The following MAP3K14 variants were observed in gnomAD, a reference collection of about 807,000 sequenced individuals.
The protein encoded by MAP3K14 is NF-kappa-beta-inducing kinase.
MAP3K14 carries 16 observed loss-of-function variants against 99.2 expected under a neutral mutation model. The observed-to-expected ratio is 0.16, with a 90% CI of 0.11 to 0.24. MAP3K14 has a LOEUF of 0.24. MAP3K14 is among the 10% of genes least tolerant of loss of function. The pLI, the probability that MAP3K14 is intolerant of heterozygous loss-of-function variation, is 1.00. For synonymous variants in MAP3K14, 462 were observed against 492.4 expected, an observed-to-expected ratio of 0.94 and a Z score of 0.82; for missense variants, 784 against 1,208.7, an observed-to-expected ratio of 0.65 and a Z score of 5.21.
chr17:45,315,544 T>C (rs1053263375), intron 1 of MAP3K14, among the ~76,000 whole-genome samples: 1 of 152,228 alleles, frequency 6.6e-6, no homozygotes, highest in Non-Finnish European at 1.5e-5. Context: ...AACTGATTGA[T>C]ATCACTTAAA....
chr17:45,274,287 C>A, intron 7 of MAP3K14, 33 bp from the exon 8 acceptor site: 1 of 1,590,052 alleles, frequency 6.3e-7, no homozygotes, highest in Non-Finnish European at 8.6e-7. Context: ...ATACATGGGA[C>A]TTGCCCGAGC....
intron 1 of MAP3K14, among the ~76,000 whole-genome samples, chr17:45,300,955 C>G (rs1050220789): frequency 2.0e-5 from 3 of 151,704 alleles, no homozygotes; most frequent in Admixed American, 6.6e-5. Context: ...TTGCTTGAGT[C>G]CAGGAGTTTG....
rs2044148031 is a variant in MAP3K14, at chr17:45,272,386, C to T, written c.1657+1117G>A. On this transcript the variant is annotated intron_variant, in intron 9 of 15. Transcript: ENST00000344686. This position sits in a 1 kb window ranked among gnomAD's most constrained non-coding sequence, Gnocchi z 4.1. ...CATTTTTTTTTGTAACAAGAAAAAG[C>T]CCACTACAGTTATTTTAAAAGGGCT... Among the ~76,000 whole-genome samples the T allele has an allele frequency of 6.6e-6, 1 of 151,930 alleles. No homozygotes were observed. Among genetic ancestry groups the T allele is most frequent in the East Asian group, 1.9e-4 (1 of 5,180 alleles).
In MAP3K14 at chr17:45,267,895, A is replaced by T; in HGVS notation, c.1973-136T>A. 2 of 716,386 alleles carry T rather than the reference A, an allele frequency of 2.8e-6. No individual in the cohort carries two copies. The highest frequency in any genetic ancestry group is 4.7e-6 in the Non-Finnish European group (2 of 427,928). The allele number at this position is 716,386 out of a possible 1,614,324, so 44.4% of individuals were successfully genotyped here. On this transcript the variant is annotated intron_variant, in intron 11 of 15. Transcript: ENST00000344686. The surrounding 1 kb of genome is among the most constrained non-coding windows in gnomAD (Gnocchi z 5.1). ...GGACACTGCCCCGGGCCACCATGGGAGGTGGCTCCAGAGGGCAGCATGGTG... is the reference window on the plus strand; with the variant it reads ...GGACACTGCCCCGGGCCACCATGGGTGGTGGCTCCAGAGGGCAGCATGGTG...
intron 3 of MAP3K14, among the ~76,000 whole-genome samples, chr17:45,288,598 G>A (rs992715559): frequency 4.6e-5 from 7 of 152,002 alleles, no homozygotes; most frequent in African/African-American, 1.4e-4. Context: ...GGATGGTCTC[G>A]ATCTCCTGAC....
rs937164191 is a variant in MAP3K14 at position 45,272,880 on chromosome 17, C to T, written c.1657+623G>A. Among the ~76,000 whole-genome samples, 1 of 152,132 alleles carries T rather than the reference C, an allele frequency of 6.6e-6. No individual in the cohort carries two copies. Among genetic ancestry groups the T allele is most frequent in the Admixed American group, 6.5e-5 (1 of 15,268 alleles). ...ACTTGAACCCGGGAGGAGGAGGTTG[C>T]AGTGAGCTGAGATTGTGCCACTGCA... On this transcript the variant is annotated intron_variant, in intron 9 of 15. Transcript: ENST00000344686. This position sits in a 1 kb window ranked among gnomAD's most constrained non-coding sequence, Gnocchi z 4.1.
At chr17:45,306,625 T>C (rs541084524) in intron 1 of MAP3K14, among the ~76,000 whole-genome samples, 1 of 152,364 alleles carries the variant, frequency 6.6e-6, no homozygotes, top group South Asian at 2.1e-4. Context: ...TGCAGGCTTC[T>C]TGAACCTATT....
chr17:45,283,794 A>G (rs1022252166), intron 6 of MAP3K14, among the ~76,000 whole-genome samples: 49 of 152,340 alleles, frequency 3.2e-4, no homozygotes, highest in Non-Finnish European at 1.2e-4. Context: ...GGTATATCTC[A>G]GAGCTTACTT....
intron 6 of MAP3K14, among the ~76,000 whole-genome samples, chr17:45,279,962 G>T (rs1354916470): frequency 2.0e-5 from 3 of 152,160 alleles, no homozygotes; most frequent in African/African-American, 7.2e-5. Flanking sequence ...ACTGAAGGCT[G>T]CTCACCTTTA....
At chr17:45,296,267 G>A (rs988997533) in intron 1 of MAP3K14, among the ~76,000 whole-genome samples, 6 of 152,170 alleles carry the variant, frequency 3.9e-5, no homozygotes, top group African/African-American at 1.4e-4. Context: ...GCTCACGCCT[G>A]TAATCTCAGC....
rs140825498 is a variant in MAP3K14 at position 45,282,538 on chromosome 17, G to C, written c.1290+2274C>G. ...CCACTGCATACTAGCCTGGACAACA[G>C]AGCGAGATCCTGTCTCAAAAAAAAA... is the stretch of plus-strand genomic sequence containing the variant. On this transcript the variant is annotated intron_variant, in intron 6 of 15. Coordinates refer to ENST00000344686, the MANE Select transcript of MAP3K14 (RefSeq NM_003954.5). 8.7e-3 allele frequency among the ~76,000 whole-genome samples: 1,164 copies of C among 133,680 alleles called. 17 individuals are homozygous for C. Among genetic ancestry groups the C allele is most frequent in the African/African-American group, 0.031 (1,084 of 34,992 alleles). 87.7% of individuals were successfully genotyped at this position (133,680 alleles called of 152,430 possible).
chr17:45,273,764 G>T, intron 8 of MAP3K14, 157 bp from the exon 9 acceptor site: 1 of 702,556 alleles, frequency 1.4e-6, no homozygotes. Flanking sequence ...CGTGGAGGAA[G>T]GGAGGAGGGT....
intron 1 of MAP3K14, among the ~76,000 whole-genome samples, chr17:45,306,443 C>G (rs1293768806): frequency 6.6e-6 from 1 of 152,084 alleles, no homozygotes; most frequent in Non-Finnish European, 1.5e-5. Flanking sequence ...CTACAGCCAG[C>G]CTATGTTCTG....
At chr17:45,285,063 G>C in intron 5 of MAP3K14, 114 bp from the exon 6 acceptor site, 1 of 1,212,774 alleles carries the variant, frequency 8.2e-7, no homozygotes, top group Non-Finnish European at 1.1e-6. Flanking sequence ...GCTGAGCTGA[G>C]CCCTCACAAC....
intron 9 of MAP3K14, 109 bp downstream of exon 9, chr17:45,273,394 C>A: frequency 1.2e-6 from 1 of 803,394 alleles, no homozygotes; most frequent in South Asian, 1.7e-5. Flanking sequence ...GGGGCTTAAA[C>A]ACACAGGTGG....
chr17:45,293,686 C>T (rs1447598710), intron 1 of MAP3K14, among the ~76,000 whole-genome samples: 1 of 152,214 alleles, frequency 6.6e-6, no homozygotes, highest in Non-Finnish European at 1.5e-5. Context: ...AAAGCTCCTC[C>T]TGTGGCTGGC....
intron 1 of MAP3K14, among the ~76,000 whole-genome samples, chr17:45,293,479 A>AGCTGAG (rs1331919080): frequency 1.3e-5 from 2 of 152,340 alleles, no homozygotes; most frequent in South Asian, 2.1e-4. Flanking sequence ...GAGAAGTGGA[A>AGCTGAG]GCTGAGGCTG....
At chr17:45,301,229 C>T (rs768288322) in intron 1 of MAP3K14, among the ~76,000 whole-genome samples, 8 of 151,206 alleles carry the variant, frequency 5.3e-5, no homozygotes, top group African/African-American at 1.5e-4. Context: ...TTTGGGAGGC[C>T]GAGGCAGGCA....
intron 6 of MAP3K14, among the ~76,000 whole-genome samples, chr17:45,276,859 C>T (rs1188661947): frequency 3.1e-5 from 3 of 98,338 alleles, no homozygotes; most frequent in African/African-American, 4.1e-5. Flanking sequence ...GACAGAGTCT[C>T]GCTCTGTCAC....
Sources: gnomAD v4.1 joint callset for allele counts (sites outside exome capture counted in the v4.1 genomes callset) on GRCh38, gnomAD v4.1.1 for gene constraint, Gnocchi (gnomAD v3.1) non-coding constraint, MANE v1.5 for transcripts, NCBI Gene and HGNC (gene_info 2026-07-23, HGNC 2026-07-21) for gene names.